The following DNAJB14 variants were observed in gnomAD, a reference collection of about 807,000 sequenced individuals.
DNAJB14 encodes the protein dnaJ homolog subfamily B member 14.
In DNAJB14, 22 loss-of-function variants were observed where a neutral mutation model predicts 48.4. The ratio of observed to expected loss-of-function variants is 0.45; its 90% CI spans 0.32 to 0.65. DNAJB14 has a LOEUF of 0.65. DNAJB14 is among the 30% of genes least tolerant of loss of function. The probability of loss-of-function intolerance (pLI) is 0.03; values close to 1 mark genes in which losing one functional copy is unlikely to be tolerated. For missense variants in DNAJB14, 319 were observed against 458.8 expected (o/e 0.70, Z 2.78); for synonymous variants, 142 against 158.7 (o/e 0.89, Z 0.79).
chr4:99,905,327 A>G (rs1005791113), intron 6 of DNAJB14, among the ~76,000 whole-genome samples: 7 of 152,122 alleles, frequency 4.6e-5, no homozygotes, highest in African/African-American at 1.7e-4. Context: ...ATGTCAACAC[A>G]TTACCTACCA....
Position 99,943,871 on chromosome 4 carries a change from A to G in DNAJB14, c.133+2568T>C, listed in dbSNP as rs116780440. Among the ~76,000 whole-genome samples, 498 of 152,318 alleles carry G rather than the reference A, an allele frequency of 3.3e-3. 2 individuals are homozygous for G. The highest frequency in any genetic ancestry group is 0.012 in the African/African-American group (483 of 41,568). ...CAGCAAAAGCACAAAAAAACAAAGC[A>G]AAAATAGAAAAATGGCACTACAACA... On this transcript the variant is annotated intron_variant, in intron 1 of 7. Coordinates refer to ENST00000442697, the MANE Select transcript of DNAJB14 (RefSeq NM_001031723.4).
chr4:99,900,788 G>C lies in DNAJB14; in HGVS notation c.*240C>G, dbSNP rs1365971426. On this transcript the variant is annotated 3_prime_UTR_variant, in exon 8 of 8. Transcript: ENST00000442697. ...ATCCTTTCTCATGACACTTTAGTTAGGAATCATGTAAGCTTTTAAAATGAA... is the reference window on the plus strand; with the variant it reads ...ATCCTTTCTCATGACACTTTAGTTACGAATCATGTAAGCTTTTAAAATGAA... The C allele has an allele frequency of 3.0e-6, 1 of 329,820 alleles. No individual in the cohort carries two copies. Among genetic ancestry groups the C allele is most frequent in the Non-Finnish European group, 5.4e-6 (1 of 183,754 alleles). 20.4% of individuals were successfully genotyped at this position (329,820 alleles called of 1,614,324 possible).
chr4:99,922,701 T>C, intron 3 of DNAJB14: 1 of 164,182 alleles, frequency 6.1e-6, no homozygotes. Flanking sequence ...AAAACTATAT[T>C]TTGCTTTTAG....
rs542126218 is a variant in DNAJB14 at position 99,919,663 on chromosome 4, C to T, written c.451+3377G>A. On this transcript the variant is annotated intron_variant, in intron 3 of 7. Transcript: ENST00000442697. ...TGTTCTTTGAATCCTGAGGTCCCTA[C>T]CTAGTTGGTCTGCCTTTTTTCTCTC... Among the ~76,000 whole-genome samples the T allele has an allele frequency of 2.6e-5, 4 of 152,252 alleles. No individual in the cohort carries two copies. In the South Asian group the frequency reaches 6.2e-4, roughly 24 times the overall value.
chr4:99,917,468 G>A (rs1473121000), intron 3 of DNAJB14, among the ~76,000 whole-genome samples: 1 of 152,134 alleles, frequency 6.6e-6, no homozygotes, highest in East Asian at 1.9e-4. Context: ...TCTTCACAAG[G>A]TAGAATCCGA....
rs1190249559 is a variant in DNAJB14, at chr4:99,900,290, T to C, written c.*738A>G. The C allele has an allele frequency of 2.0e-5, 3 of 152,020 alleles. No individual in the cohort carries two copies. The highest frequency in any genetic ancestry group is 4.4e-5 in the Non-Finnish European group (3 of 67,900). 9.4% of individuals were successfully genotyped at this position (152,020 alleles called of 1,614,324 possible). On this transcript the variant is annotated 3_prime_UTR_variant, in exon 8 of 8. Coordinates refer to ENST00000442697, the MANE Select transcript of DNAJB14 (RefSeq NM_001031723.4). ...GTTGAAGACCCTTTTAGTTTAATAT[T>C]TATAGCCATTTCCTCATATTTTCTT... is the stretch of plus-strand genomic sequence containing the variant.
chr4:99,931,842 A>G (rs1726482184), intron 1 of DNAJB14, among the ~76,000 whole-genome samples: 1 of 152,010 alleles, frequency 6.6e-6, no homozygotes, highest in African/African-American at 2.4e-5. Context: ...AAAAGAAAAA[A>G]CAAAATAAAA....
chr4:99,944,218 G>A (rs1578243487), intron 1 of DNAJB14, among the ~76,000 whole-genome samples: 2 of 152,170 alleles, frequency 1.3e-5, no homozygotes, highest in East Asian at 3.8e-4. Context: ...TCAAGGATGG[G>A]TACTATCAAA....
intron 2 of DNAJB14, chr4:99,928,209 T>C (rs1161353005): frequency 6.5e-6 from 1 of 153,056 alleles, no homozygotes; most frequent in Non-Finnish European, 1.5e-5. Flanking sequence ...TTCATTCCCT[T>C]TGCTTTTCTC....
At chr4:99,922,627 C>T (rs1295601408) in intron 3 of DNAJB14, 2 of 152,348 alleles carry the variant, frequency 1.3e-5, no homozygotes, top group African/African-American at 4.8e-5. Flanking sequence ...AATAAAAGAA[C>T]ACTGGGGAGC....
At chr4:99,933,303 CTTTTTTT>C (rs759298582) in intron 1 of DNAJB14, among the ~76,000 whole-genome samples, 4 of 88,776 alleles carry the variant, frequency 4.5e-5, no homozygotes, top group Admixed American at 1.4e-4. Flanking sequence ...CATAAACAGT[CTTTTTTT>C]TTTTTTTTTT....
intron 1 of DNAJB14, among the ~76,000 whole-genome samples, chr4:99,931,007 C>T (rs1021312913): frequency 3.9e-5 from 6 of 152,040 alleles, no homozygotes; most frequent in African/African-American, 1.4e-4. Context: ...ACAATGGGAG[C>T]CAAGATACTG....
chr4:99,932,488 A>G (rs1726512051), intron 1 of DNAJB14, among the ~76,000 whole-genome samples: 1 of 152,174 alleles, frequency 6.6e-6, no homozygotes, highest in South Asian at 2.1e-4. Flanking sequence ...CCCACATCCA[A>G]AAGATGAACA....
chr4:99,916,217 C>T (rs62306060), intron 3 of DNAJB14, among the ~76,000 whole-genome samples: 1 of 152,164 alleles, frequency 6.6e-6, no homozygotes, highest in Non-Finnish European at 1.5e-5. Context: ...CAGGTCACTG[C>T]AGCCTCAACC....
chr4:99,930,079 G>C (rs144148628), intron 2 of DNAJB14: 198 of 156,254 alleles, frequency 1.3e-3, no homozygotes, highest in African/African-American at 4.6e-3. Context: ...TGAAAATGTT[G>C]CTATTACACT....
intron 2 of DNAJB14, chr4:99,924,982 G>A (rs532532306): frequency 6.7e-6 from 4 of 600,674 alleles, no homozygotes; most frequent in African/African-American, 1.9e-5. Context: ...CTGTAGAAAT[G>A]TTACTATTTG....
chr4:99,923,512 T>C (rs1464689002), intron 2 of DNAJB14, among the ~76,000 whole-genome samples: 1 of 152,142 alleles, frequency 6.6e-6, no homozygotes, highest in East Asian at 1.9e-4. Context: ...GAGACAATAA[T>C]AATAATTTTT....
At position 99,899,134 on chromosome 4, in the gene DNAJB14, T is replaced by C. The variant is rs1381806629; in HGVS notation, c.*1894A>G. On this transcript the variant is annotated 3_prime_UTR_variant, in exon 8 of 8. Transcript: ENST00000442697. Reference sequence around the variant, plus strand: ...CTTAACTTTGTACAATAACTTCACCTATCTCCTTAAAGCTGGGATTAAGGG... The same window carrying C: ...CTTAACTTTGTACAATAACTTCACCCATCTCCTTAAAGCTGGGATTAAGGG... 1 of 151,846 alleles carries C rather than the reference T, an allele frequency of 6.6e-6. No individual in the cohort carries two copies. Among genetic ancestry groups the C allele is most frequent in the African/African-American group, 2.4e-5 (1 of 41,424 alleles). 9.4% of individuals were successfully genotyped at this position (151,846 alleles called of 1,614,324 possible).
chr4:99,915,282 C>T (rs188740219), intron 3 of DNAJB14, among the ~76,000 whole-genome samples: 3 of 152,218 alleles, frequency 2.0e-5, no homozygotes, highest in Non-Finnish European at 2.9e-5. Flanking sequence ...GGACCACAGG[C>T]GCCCGCCACC....
Sources: gnomAD v4.1 joint callset for allele counts (sites outside exome capture counted in the v4.1 genomes callset) on GRCh38, gnomAD v4.1.1 for gene constraint, MANE v1.5 for transcripts, NCBI Gene and HGNC (gene_info 2026-07-23, HGNC 2026-07-21) for gene names.